The following LIMA1 variants were observed in gnomAD, a reference collection of about 807,000 sequenced individuals.
LIMA1 encodes the protein LIM domain and actin-binding protein 1.
LIMA1 carries 52 observed loss-of-function variants against 62.6 expected under a neutral mutation model. The observed-to-expected ratio is 0.83, with a 90% CI of 0.67 to 1.05. The LOEUF (loss-of-function observed/expected upper bound fraction) is 1.05. LIMA1 is among the 50% of genes least tolerant of loss of function. The pLI, the probability that LIMA1 is intolerant of heterozygous loss-of-function variation, is 0.00. For synonymous variants in LIMA1, 302 were observed against 317.8 expected (o/e 0.95, Z 0.53); for missense variants, 780 against 902.2 (o/e 0.86, Z 1.74).
At chr12:50,253,369 C>T (rs535516971) in intron 1 of LIMA1, among the ~76,000 whole-genome samples, 21 of 152,248 alleles carry the variant, frequency 1.4e-4, no homozygotes, top group South Asian at 1.2e-3. Context: ...TTTATGGTAA[C>T]GAAATTGAGA....
At chr12:50,213,749 G>A (rs1329941453) in intron 4 of LIMA1, among the ~76,000 whole-genome samples, 1 of 152,154 alleles carries the variant, frequency 6.6e-6, no homozygotes, top group African/African-American at 2.4e-5. Context: ...TATTTGTACT[G>A]GGGGGAGATG....
intron 9 of LIMA1, among the ~76,000 whole-genome samples, chr12:50,191,086 G>C (rs889780054): frequency 7.0e-6 from 1 of 143,594 alleles, no homozygotes; most frequent in Non-Finnish European, 1.5e-5. Flanking sequence ...TCCAGCCTGG[G>C]TGACAAAGTG....
intron 3 of LIMA1, chr12:50,224,300 A>G (rs1235846354): frequency 2.6e-5 from 4 of 152,214 alleles, no homozygotes; most frequent in Admixed American, 2.6e-4. Flanking sequence ...CACTTCATCA[A>G]GTAGAAATAA....
At chr12:50,191,760 T>C (rs1456512091) in intron 9 of LIMA1, among the ~76,000 whole-genome samples, 1 of 152,122 alleles carries the variant, frequency 6.6e-6, no homozygotes, top group East Asian at 1.9e-4. Flanking sequence ...AGGCGGAGCT[T>C]GCAGTGAGCC....
chr12:50,258,450 G>A lies in LIMA1; in HGVS notation c.-23-9676C>T, dbSNP rs111981506. On this transcript the variant is annotated intron_variant, in intron 1 of 10. Transcript: ENST00000341247. ...TAGCTGGGACTAGACACATGCCACCGCGCCTGGCTAATATTTTAAATTTTT... is the reference window on the plus strand; with the variant it reads ...TAGCTGGGACTAGACACATGCCACCACGCCTGGCTAATATTTTAAATTTTT... Among the ~76,000 whole-genome samples the A allele has an allele frequency of 9.2e-3, 1,397 of 151,666 alleles. 13 individuals are homozygous for A. Among genetic ancestry groups the A allele is most frequent in the Middle Eastern group, 0.061 (18 of 294 alleles).
rs1565832366 is a variant in LIMA1, at chr12:50,192,457, T to C, written c.1135A>G (p.Met379Val). Residue 379 changes from methionine (M) to valine (V), a missense_variant, in exon 9 of 11, where the codon ATG (methionine) becomes GTG (valine). Physicochemically the swap from Met to Val is conservative, Grantham distance 21 (BLOSUM62 1). Transcript: ENST00000341247. ...SLSESSPPKA[M>V]KKFQAPARET... ...GAGAGAAATTGCCATCATACCTTCA[T>C]TGCTTTGGGAGGAGAACTTTCAGAA... The C allele has an allele frequency of 6.2e-7, 1 of 1,607,150 alleles. No homozygotes were observed. The highest frequency in any genetic ancestry group is 8.5e-7 in the Non-Finnish European group (1 of 1,173,616).
intron 2 of LIMA1, among the ~76,000 whole-genome samples, chr12:50,232,010 C>T (rs1176144774): frequency 6.6e-6 from 1 of 150,658 alleles, no homozygotes; most frequent in African/African-American, 2.4e-5. Context: ...TCAAGTGATC[C>T]ACCTGCCTCG....
rs923794889 is a variant in LIMA1 at position 50,245,320 on chromosome 12, G to A, written c.119+3313C>T. ...CCCAGCTACTTGGGAGGCTGAGGCA[G>A]GAGGACTGCTTGAGCCTGGGAGGTC... On this transcript the variant is annotated intron_variant, in intron 2 of 10. Coordinates refer to ENST00000341247, the MANE Select transcript of LIMA1 (RefSeq NM_016357.5). Among the ~76,000 whole-genome samples, 4 of 152,000 alleles carry A rather than the reference G, an allele frequency of 2.6e-5. No individual in the cohort carries two copies. The South Asian group carries it at 8.3e-4, about 32-fold the overall frequency.
intron 1 of LIMA1, among the ~76,000 whole-genome samples, chr12:50,281,428 T>A (rs1350603935): frequency 6.6e-6 from 1 of 152,240 alleles, no homozygotes. Context: ...CTTCTGAAGC[T>A]TTCTTTTAGA....
Position 50,178,082 on chromosome 12 carries a change from GA to G in LIMA1, c.1275-14del, listed in dbSNP as rs762683276. ...ATATGTTCCTAGACTGTCATTAAAA[GA>G]AAAAAAGCATAAACTTAGCAAATCT... On this transcript the variant is annotated splice_polypyrimidine_tract_variant and intron_variant, in intron 10 of 10. Transcript: ENST00000341247. The G allele has an allele frequency of 1.3e-5, 19 of 1,415,042 alleles. No individual in the cohort carries two copies. Among genetic ancestry groups the G allele is most frequent in the Non-Finnish European group, 1.8e-5 (19 of 1,082,058 alleles). The allele number at this position is 1,415,042 out of a possible 1,614,324, so 87.7% of individuals were successfully genotyped here. A position where few individuals can be genotyped will look rare whatever the true frequency, so the allele number is the denominator to read the frequency against.
At chr12:50,208,635 G>A (rs1941197367) in intron 4 of LIMA1, among the ~76,000 whole-genome samples, 1 of 152,128 alleles carries the variant, frequency 6.6e-6, no homozygotes, top group Admixed American at 6.5e-5. Context: ...GGGCAACAGA[G>A]TGTGACCCTG....
At chr12:50,263,785 C>CTGTCTG (rs140595731) in intron 1 of LIMA1, among the ~76,000 whole-genome samples, 1 of 131,350 alleles carries the variant, frequency 7.6e-6, no homozygotes, top group Admixed American at 8.4e-5. Context: ...TTCCATTCCT[C>CTGTCTG]TGTGTGTGTG....
chr12:50,200,830 C>G lies in LIMA1; in HGVS notation c.919G>C (p.Glu307Gln). The part of the protein sequence containing the change: ...EIKIHKMEQK[E>Q]NVPPGPEVCI... ...ACCTCAGGACCTGGGGGCACATTCT[C>G]CTTTTGCTCCATTTTATGAATTTTG... The change falls in exon 7 of 11, where the codon GAG becomes CAG. Residue 307 changes from glutamate to glutamine, a missense_variant. Glu to Gln is a conservative substitution (Grantham distance 29, BLOSUM62 2). Coordinates refer to ENST00000341247, the MANE Select transcript of LIMA1 (RefSeq NM_016357.5). The G allele has an allele frequency of 1.9e-6, 3 of 1,614,208 alleles. No homozygotes were observed. The highest frequency in any genetic ancestry group is 2.2e-5 in the South Asian group (2 of 91,086).
rs1940326242 is a variant in LIMA1 at position 50,176,016 on chromosome 12, C to G, written c.*1048G>C. 6.6e-6 allele frequency: 1 copy of G among 152,140 alleles called. No individual in the cohort carries two copies. 9.4% of individuals were successfully genotyped at this position (152,140 alleles called of 1,614,324 possible). On this transcript the variant is annotated 3_prime_UTR_variant, in exon 11 of 11. Transcript: ENST00000341247. ...TTTATAATGTCCCCAAACCTTAAGA[C>G]TAGAAAATCATCCCAAGAAAAAGGC... is the stretch of plus-strand genomic sequence containing the variant.
At chr12:50,257,686 C>A (rs1226457193) in intron 1 of LIMA1, among the ~76,000 whole-genome samples, 1 of 152,184 alleles carries the variant, frequency 6.6e-6, no homozygotes, top group Non-Finnish European at 1.5e-5. Context: ...TCCTCTGACC[C>A]CTTCCTTTAA....
intron 4 of LIMA1, among the ~76,000 whole-genome samples, chr12:50,216,892 A>G (rs1384470642): frequency 1.3e-5 from 2 of 152,064 alleles, no homozygotes; most frequent in Admixed American, 6.6e-5. Context: ...CATCATATTC[A>G]GCTAAACCAC....
intron 3 of LIMA1, among the ~76,000 whole-genome samples, chr12:50,226,546 G>T (rs1157519815): frequency 6.6e-6 from 1 of 151,844 alleles, no homozygotes; most frequent in Non-Finnish European, 1.5e-5. Flanking sequence ...AAACAATAAT[G>T]AAAAAAAGAT....
intron 1 of LIMA1, among the ~76,000 whole-genome samples, chr12:50,276,845 G>C (rs1393419243): frequency 6.6e-6 from 1 of 151,842 alleles, no homozygotes; most frequent in East Asian, 1.9e-4. Flanking sequence ...ACTCCAGCCT[G>C]GGTGACTGAG....
intron 2 of LIMA1, among the ~76,000 whole-genome samples, chr12:50,243,105 G>A (rs1484333870): frequency 6.6e-6 from 1 of 152,108 alleles, no homozygotes; most frequent in Non-Finnish European, 1.5e-5. Flanking sequence ...CAAATTTAAC[G>A]ACTGTTATAG....
Sources: allele counts gnomAD v4.1 joint callset (sites outside exome capture counted in the v4.1 genomes callset), GRCh38; gene constraint gnomAD v4.1.1; transcripts MANE v1.5; gene names NCBI Gene and HGNC (gene_info 2026-07-23, HGNC 2026-07-21).